DCHS2: variants seen among roughly 807,000 people sequenced by gnomAD.
DCHS2 encodes dachsous cadherin-related 2.
A neutral mutation model predicts 182.4 loss-of-function variants in DCHS2; 142 were observed. The observed-to-expected ratio is 0.78, with a 90% confidence interval of 0.68 to 0.89. The LOEUF (loss-of-function observed/expected upper bound fraction) is 0.89, where lower values mean the gene tolerates loss of function less well. Among genes scored for constraint, DCHS2 ranks in the 40% least tolerant of loss-of-function variants. The pLI is 0.00. For synonymous variants in DCHS2, 1,740 were observed against 1,663.3 expected (o/e 1.05, Z -1.12); for missense variants, 4,319 against 4,198.6 (o/e 1.03, Z -0.79).
chr4:154,309,379 C>T (rs1177811071), intron 10 of DCHS2, among the ~76,000 whole-genome samples: 1 of 152,170 alleles, frequency 6.6e-6, no homozygotes, highest in African/African-American at 2.4e-5. Flanking sequence ...TTCCTTCTTC[C>T]TAGTTACCTA....
At chr4:154,253,217 C>A (rs1732473718) in intron 16 of DCHS2, among the ~76,000 whole-genome samples, 1 of 150,074 alleles carries the variant, frequency 6.7e-6, no homozygotes, top group African/African-American at 2.5e-5. Context: ...GTGTTGTTAC[C>A]TGTGTGTATC....
chr4:154,287,369 T>G (rs571852581), intron 13 of DCHS2, among the ~76,000 whole-genome samples: 2 of 152,150 alleles, frequency 1.3e-5, no homozygotes, highest in Non-Finnish European at 2.9e-5. Context: ...GACTAAACAA[T>G]GAACCAACCA....
intron 13 of DCHS2, among the ~76,000 whole-genome samples, chr4:154,295,788 C>T (rs922441183): frequency 2.0e-5 from 3 of 152,052 alleles, no homozygotes; most frequent in South Asian, 2.1e-4. Flanking sequence ...TCACAGAGGC[C>T]GACCCACTCA....
At chr4:154,251,313 A>G (rs1732343880) in intron 16 of DCHS2, among the ~76,000 whole-genome samples, 1 of 152,342 alleles carries the variant, frequency 6.6e-6, no homozygotes, top group Admixed American at 6.5e-5. Flanking sequence ...AATCATTCAC[A>G]TCGGCTAGAA....
Position 154,235,799 on chromosome 4 carries a change from T to G in DCHS2, c.8853A>C (p.Glu2951Asp), listed in dbSNP as rs1560970218. ...LPLIKSQLNK[E>D]DTLEMKIIAH... ...CGATTATTTTCATTTCCAAGGTGTCTTCTTTGTTGAGTTGACTTTTTATTA... is the reference window on the plus strand; with the variant it reads ...CGATTATTTTCATTTCCAAGGTGTCGTCTTTGTTGAGTTGACTTTTTATTA... The change falls in exon 20 of 20, where the codon GAA (glutamate) becomes GAC (aspartate). Residue 2951 changes from glutamate to aspartate, a missense_variant. Glu to Asp is a conservative substitution (Grantham distance 45, BLOSUM62 2). Transcript: ENST00000357232. 1 of 1,613,884 alleles carries G rather than the reference T, an allele frequency of 6.2e-7. No homozygotes were observed.
rs1560790076 is a variant in DCHS2 at position 154,490,328 on chromosome 4, G to GC, written c.1027dup (p.Ala343GlyfsTer3). On this transcript the variant is annotated frameshift_variant, in exon 1 of 20. Coordinates refer to ENST00000357232, the MANE Select transcript of DCHS2 (RefSeq NM_001358235.2). LOFTEE classifies it high-confidence loss of function. ...GCCCAGTGCCCCGCCGCCGCTACCC[G>GC]CCCCAGGCACTTGCCGGGCGCGGAC... 3.2e-6 allele frequency: 5 copies of GC among 1,543,636 alleles called. No homozygotes were observed. Among genetic ancestry groups the GC allele is most frequent in the Non-Finnish European group, 4.4e-6 (5 of 1,146,136 alleles).
At chr4:154,397,803 C>T (rs1731996544) in intron 1 of DCHS2, among the ~76,000 whole-genome samples, 1 of 152,212 alleles carries the variant, frequency 6.6e-6, no homozygotes, top group South Asian at 2.1e-4. Flanking sequence ...AGAGCAACAG[C>T]TTCTCAAAAT....
chr4:154,386,760 C>T (rs1419460347), intron 1 of DCHS2, among the ~76,000 whole-genome samples: 1 of 152,146 alleles, frequency 6.6e-6, no homozygotes, highest in Non-Finnish European at 1.5e-5. Context: ...AGGATACAAG[C>T]ACGTTTAAGA....
At chr4:154,321,663 C>T (rs909198944) in intron 8 of DCHS2, among the ~76,000 whole-genome samples, 6 of 152,164 alleles carry the variant, frequency 3.9e-5, no homozygotes. Flanking sequence ...TATGACCATA[C>T]AGATTTTTCT....
intron 3 of DCHS2, among the ~76,000 whole-genome samples, chr4:154,362,172 G>T (rs35237310): frequency 0.32 from 49,315 of 151,988 alleles, 8,310 homozygotes; most frequent in East Asian, 0.44. Flanking sequence ...GGCCAGACAG[G>T]TATTCTGGAA....
At chr4:154,407,497 T>G (rs1206910523) in intron 1 of DCHS2, among the ~76,000 whole-genome samples, 1 of 152,160 alleles carries the variant, frequency 6.6e-6, no homozygotes, top group Non-Finnish European at 1.5e-5. Context: ...ACATAAAACC[T>G]TTTCTTTTTC....
chr4:154,250,909 C>T (rs1445917103), intron 16 of DCHS2, among the ~76,000 whole-genome samples: 1 of 152,206 alleles, frequency 6.6e-6, no homozygotes, highest in East Asian at 1.9e-4. Flanking sequence ...TCAAAACTTG[C>T]CTGCTGCCTC....
chr4:154,430,942 A>G (rs992954090), intron 1 of DCHS2, among the ~76,000 whole-genome samples: 1 of 152,160 alleles, frequency 6.6e-6, no homozygotes, highest in Admixed American at 6.6e-5. Flanking sequence ...TTCCCACACC[A>G]GCAATGCCCT....
intron 1 of DCHS2, among the ~76,000 whole-genome samples, chr4:154,379,966 T>C (rs1731094568): frequency 6.6e-6 from 1 of 152,106 alleles, no homozygotes; most frequent in Non-Finnish European, 1.5e-5. Flanking sequence ...TTGTCACAAC[T>C]GGGGAAGGGT....
chr4:154,391,047 G>C, intron 1 of DCHS2: 1 of 837,764 alleles, frequency 1.2e-6, no homozygotes, highest in African/African-American at 1.7e-5. Flanking sequence ...TTCTTCCAAG[G>C]CTTTATTTCC....
At chr4:154,382,677 T>C (rs1175269424) in intron 1 of DCHS2, among the ~76,000 whole-genome samples, 1 of 152,044 alleles carries the variant, frequency 6.6e-6, no homozygotes, top group Admixed American at 6.6e-5. Flanking sequence ...CATTAAAAAG[T>C]GGGCAAAAGA....
At chr4:154,271,945 T>C (rs1255116188) in intron 13 of DCHS2, among the ~76,000 whole-genome samples, 1 of 152,148 alleles carries the variant, frequency 6.6e-6, no homozygotes, top group African/African-American at 2.4e-5. Flanking sequence ...CAGTTTTCTC[T>C]CACTTTTGGC....
In DCHS2 at chr4:154,346,902, C is replaced by T. The variant is rs111374430; in HGVS notation, c.2477-11798G>A. Among the ~76,000 whole-genome samples, 34 of 151,812 alleles carry T rather than the reference C, an allele frequency of 2.2e-4. 1 individual carries two copies. Among genetic ancestry groups the T allele is most frequent in the African/African-American group, 8.0e-4 (33 of 41,192 alleles). On this transcript the variant is annotated intron_variant, in intron 3 of 19. Coordinates refer to ENST00000357232, the MANE Select transcript of DCHS2 (RefSeq NM_001358235.2). ...GTCACAAAACTGGACATTTAAAATA[C>T]CCTGATTTTTAGTGATAATGTCCGA...
intron 3 of DCHS2, among the ~76,000 whole-genome samples, chr4:154,338,118 C>A (rs796435142): frequency 4.6e-5 from 7 of 152,306 alleles, no homozygotes; most frequent in African/African-American, 1.4e-4. Flanking sequence ...CTAGCTACCA[C>A]TATTCTATGA....
Sources: allele counts gnomAD v4.1 joint callset (sites outside exome capture counted in the v4.1 genomes callset), GRCh38; gene constraint gnomAD v4.1.1; transcripts MANE v1.5; gene names NCBI Gene and HGNC (gene_info 2026-07-23, HGNC 2026-07-21).